LUZP2: variants seen among roughly 807,000 people sequenced by gnomAD.
LUZP2 encodes leucine zipper protein 2.
In LUZP2, 52 loss-of-function variants were observed where a neutral mutation model predicts 51.6. The ratio of observed to expected loss-of-function variants is 1.01; its 90% CI spans 0.81 to 1.27. LUZP2 has a LOEUF of 1.27. Among genes scored for constraint, LUZP2 ranks in the 50% most tolerant of loss-of-function variants. The pLI is 0.00. For missense variants in LUZP2, 436 were observed against 395.4 expected (o/e 1.10, Z -0.87); for synonymous variants, 154 against 137.3 (o/e 1.12, Z -0.85).
intron 5 of LUZP2, among the ~76,000 whole-genome samples, chr11:24,801,244 G>A (rs1362846002): frequency 6.6e-6 from 1 of 152,010 alleles, no homozygotes; most frequent in Non-Finnish European, 1.5e-5. Flanking sequence ...TTGTTGGTGA[G>A]GGAATACCAT....
intron 5 of LUZP2, among the ~76,000 whole-genome samples, chr11:24,780,129 A>C (rs1301234918): frequency 6.6e-6 from 1 of 152,144 alleles, no homozygotes; most frequent in Non-Finnish European, 1.5e-5. Flanking sequence ...GGAAACTAAC[A>C]CAGGTGGGGA....
intron 5 of LUZP2, among the ~76,000 whole-genome samples, chr11:24,807,706 T>C (rs1025751331): frequency 5.3e-5 from 8 of 152,030 alleles, no homozygotes; most frequent in African/African-American, 1.9e-4. Flanking sequence ...CCTCTCTGTG[T>C]AGCATTCATT....
intron 1 of LUZP2, among the ~76,000 whole-genome samples, chr11:24,583,829 G>A (rs1369822898): frequency 1.3e-5 from 2 of 149,694 alleles, no homozygotes; most frequent in Admixed American, 1.3e-4. Flanking sequence ...TCATCCTCCC[G>A]AGTAGCTGGG....
At chr11:24,906,839 T>C (rs1239148328) in intron 6 of LUZP2, among the ~76,000 whole-genome samples, 2 of 152,242 alleles carry the variant, frequency 1.3e-5, no homozygotes, top group East Asian at 3.9e-4. Flanking sequence ...AGTGGCTTCA[T>C]ATCATGATGA....
intron 1 of LUZP2, among the ~76,000 whole-genome samples, chr11:24,608,740 A>G (rs956137794): frequency 5.9e-5 from 9 of 152,230 alleles, no homozygotes; most frequent in African/African-American, 2.2e-4. Flanking sequence ...TATTATAATG[A>G]TAAAACTAAT....
chr11:24,889,475 A>T (rs1449706152), intron 5 of LUZP2, among the ~76,000 whole-genome samples: 1 of 152,214 alleles, frequency 6.6e-6, no homozygotes, highest in African/African-American at 2.4e-5. Flanking sequence ...ATGCCTAAGT[A>T]ATGTCAAATG....
At chr11:24,766,731 T>C (rs577034940) in intron 5 of LUZP2, among the ~76,000 whole-genome samples, 9 of 152,050 alleles carry the variant, frequency 5.9e-5, no homozygotes, top group Non-Finnish European at 1.2e-4. Flanking sequence ...ATGTTTGAGA[T>C]AAATGCTAAA....
At chr11:24,967,594 C>T (rs1291753348) in intron 7 of LUZP2, among the ~76,000 whole-genome samples, 2 of 151,612 alleles carry the variant, frequency 1.3e-5, no homozygotes, top group Non-Finnish European at 2.9e-5. Context: ...CTTCACTGTT[C>T]TTCAGAATGA....
In LUZP2 at chr11:24,907,186, C is replaced by T. The variant is rs77952696; in HGVS notation, c.459+1133C>T. ...GCTCACATGCTGAGCTAAGTTGAAG[C>T]GAGTCTGGAAAATGTCACTAGGTCA... is the stretch of plus-strand genomic sequence containing the variant. On this transcript the variant is annotated intron_variant, in intron 6 of 11. Transcript: ENST00000336930. Among the ~76,000 whole-genome samples the T allele has an allele frequency of 7.7e-3, 1,168 of 151,520 alleles. 15 individuals carry two copies. Among genetic ancestry groups the T allele is most frequent in the East Asian group, 0.054 (279 of 5,120 alleles).
intron 5 of LUZP2, among the ~76,000 whole-genome samples, chr11:24,768,732 G>A (rs1205123023): frequency 6.6e-6 from 1 of 151,002 alleles, no homozygotes; most frequent in African/African-American, 2.4e-5. Context: ...TAAAATGGCT[G>A]GTATCAAAAA....
chr11:24,529,074 T>G (rs930538038), intron 1 of LUZP2, among the ~76,000 whole-genome samples: 2 of 150,970 alleles, frequency 1.3e-5, no homozygotes, highest in African/African-American at 4.8e-5. Flanking sequence ...TTGCTGTCCT[T>G]TAATAATAAC....
intron 1 of LUZP2, among the ~76,000 whole-genome samples, chr11:24,516,958 AT>A (rs1172408242): frequency 2.0e-5 from 3 of 152,172 alleles, no homozygotes; most frequent in African/African-American, 7.2e-5. Flanking sequence ...GATACAATCT[AT>A]GTGCCAAGCT....
At chr11:24,564,152 C>T (rs913807442) in intron 1 of LUZP2, among the ~76,000 whole-genome samples, 1 of 152,048 alleles carries the variant, frequency 6.6e-6, no homozygotes, top group South Asian at 2.1e-4. Context: ...CATAATCTTC[C>T]TTCTCAAACA....
At chr11:25,036,746 T>A (rs1164035858) in intron 9 of LUZP2, among the ~76,000 whole-genome samples, 2 of 152,130 alleles carry the variant, frequency 1.3e-5, no homozygotes, top group South Asian at 4.1e-4. Flanking sequence ...CAGGAGTACA[T>A]TGTTTAATTT....
intron 1 of LUZP2, among the ~76,000 whole-genome samples, chr11:24,588,734 T>C (rs1450655586): frequency 6.6e-6 from 1 of 152,062 alleles, no homozygotes; most frequent in Non-Finnish European, 1.5e-5. Flanking sequence ...AGGCCCTCCT[T>C]AATAACAATT....
chr11:24,867,129 A>G (rs1851923762), intron 5 of LUZP2, among the ~76,000 whole-genome samples: 1 of 152,118 alleles, frequency 6.6e-6, no homozygotes. Flanking sequence ...TTTCTTCAAG[A>G]GATAAATTAA....
chr11:25,016,408 T>C (rs574063549), intron 9 of LUZP2, among the ~76,000 whole-genome samples: 2 of 152,248 alleles, frequency 1.3e-5, no homozygotes, highest in African/African-American at 4.8e-5. Context: ...TAAGTTATTT[T>C]ATTTTCCATT....
intron 1 of LUZP2, among the ~76,000 whole-genome samples, chr11:24,714,576 T>C (rs951226072): frequency 1.3e-5 from 2 of 152,078 alleles, no homozygotes; most frequent in African/African-American, 4.8e-5. Flanking sequence ...ATAGTAAAAA[T>C]CTTCATCAGC....
chr11:24,653,253 A>AT (rs760903742), intron 1 of LUZP2, among the ~76,000 whole-genome samples: 64 of 152,220 alleles, frequency 4.2e-4, no homozygotes, highest in Non-Finnish European at 7.1e-4. Flanking sequence ...TTCTGGATGT[A>AT]TTTTTTAAGT....
Sources: gnomAD v4.1 joint callset for allele counts (sites outside exome capture counted in the v4.1 genomes callset) on GRCh38, gnomAD v4.1.1 for gene constraint, MANE v1.5 for transcripts, NCBI Gene and HGNC (gene_info 2026-07-23, HGNC 2026-07-21) for gene names.